Variants in DYRK1A observed in about 807,000 individuals in gnomAD.
The protein encoded by DYRK1A is dual specificity tyrosine phosphorylation regulated kinase 1A.
In DYRK1A, 9 loss-of-function variants were observed where a neutral mutation model predicts 79.7. The observed-to-expected ratio is 0.11, with a 90% CI of 0.07 to 0.20. The LOEUF (loss-of-function observed/expected upper bound fraction) is 0.20, where lower values mean the gene tolerates loss of function less well. Ranked by LOEUF, DYRK1A falls within the 10% of genes least tolerant of loss-of-function variation. DYRK1A has a pLI of 1.00. For missense variants in DYRK1A, 622 were observed against 956.0 expected (o/e 0.65, Z 4.61); for synonymous variants, 349 against 329.7 (o/e 1.06, Z -0.63).
chr21:37,387,596 C>G (rs1384579558), intron 1 of DYRK1A, among the ~76,000 whole-genome samples: 1 of 152,202 alleles, frequency 6.6e-6, no homozygotes, highest in Non-Finnish European at 1.5e-5. Flanking sequence ...TTCTTGCTCT[C>G]TGGACCTAAT....
rs1569412547 is a variant in DYRK1A at position 37,516,288 on chromosome 21, G to A, written c.*3757G>A. On this transcript the variant is annotated 3_prime_UTR_variant, in exon 12 of 12. Transcript: ENST00000647188. ...TGTAATGGGGACAAAAGCCGTGCGT[G>A]ACTTCGGTATACCCAGACTTCATTC... is the stretch of plus-strand genomic sequence containing the variant. 2 of 152,210 alleles carry A rather than the reference G, an allele frequency of 1.3e-5. No homozygotes were observed. The highest frequency in any genetic ancestry group is 2.9e-5 in the Non-Finnish European group (2 of 68,046). 9.4% of individuals were successfully genotyped at this position (152,210 alleles called of 1,614,324 possible). A position where few individuals can be genotyped will look rare whatever the true frequency, so the allele number is the denominator to read the frequency against.
chr21:37,457,541 G>A (rs2051694021), intron 2 of DYRK1A, among the ~76,000 whole-genome samples: 1 of 152,180 alleles, frequency 6.6e-6, no homozygotes, highest in African/African-American at 2.4e-5. Flanking sequence ...CTGGCCTTTT[G>A]TGTTTAACTT....
chr21:37,408,344 A>G (rs1458731311), intron 1 of DYRK1A, among the ~76,000 whole-genome samples: 2 of 152,234 alleles, frequency 1.3e-5, no homozygotes, highest in African/African-American at 4.8e-5. Context: ...AACTGAAAAC[A>G]TATACAGAAG....
chr21:37,372,439 G>A (rs1444039328), intron 1 of DYRK1A, among the ~76,000 whole-genome samples: 1 of 144,446 alleles, frequency 6.9e-6, no homozygotes, highest in Non-Finnish European at 1.5e-5. Flanking sequence ...ACAGAGTGGA[G>A]CACTGTCTCA....
chr21:37,504,974 C>T (rs2053552295), intron 9 of DYRK1A: 2 of 255,394 alleles, frequency 7.8e-6, no homozygotes, highest in East Asian at 8.4e-5. Context: ...CTTGTTTTTA[C>T]AACCTTTGAA....
chr21:37,472,860 C>G lies in DYRK1A; in HGVS notation c.187C>G (p.Gln63Glu), dbSNP rs373178770. The G allele has an allele frequency of 6.3e-7, 1 of 1,585,250 alleles. No homozygotes were observed. The highest frequency in any genetic ancestry group is 1.3e-5 in the African/African-American group (1 of 74,318). The change falls in exon 3 of 12, where the codon CAG becomes GAG. Residue 63 changes from glutamine to glutamate, a missense_variant. By Grantham distance (29) the Gln-to-Glu change is conservative. Around this residue, in one of 5 missense-constraint regions of DYRK1A, gnomAD observed 91 missense variants for 113.8 expected, o/e 0.80. Transcript: ENST00000647188. ...TGCCTTATCATATTCTGACCAGATT[C>G]AGCAACCTCTAACTAACCAGGTAAG... ...VSALSYSDQI[Q>E]QPLTNQRRMP...
At position 37,514,880 on chromosome 21, in the gene DYRK1A, A is replaced by G. The variant is rs939276641; in HGVS notation, c.*2349A>G. On this transcript the variant is annotated 3_prime_UTR_variant, in exon 12 of 12. Coordinates refer to ENST00000647188, the MANE Select transcript of DYRK1A (RefSeq NM_001347721.2). ...GGTTGCCACATCTTAGCAAGCACCA[A>G]AAAACTAAAGCAGTTTTTAAACCGA... 2.6e-5 allele frequency: 4 copies of G among 152,668 alleles called. No homozygotes were observed. The highest frequency in any genetic ancestry group is 5.9e-5 in the Non-Finnish European group (4 of 68,040). The allele number at this position is 152,668 out of a possible 1,614,324, so 9.5% of individuals were successfully genotyped here.
chr21:37,510,836 G>A (rs2053729550), intron 11 of DYRK1A, among the ~76,000 whole-genome samples: 1 of 151,952 alleles, frequency 6.6e-6, no homozygotes, highest in South Asian at 2.1e-4. Flanking sequence ...ACATTCCATT[G>A]ACAGCTTAGA....
intron 1 of DYRK1A, among the ~76,000 whole-genome samples, chr21:37,399,261 T>C (rs767306048): frequency 1.6e-4 from 25 of 152,156 alleles, no homozygotes; most frequent in Admixed American, 6.5e-4. Context: ...TAAGTGGATT[T>C]TCCTTTTTTA....
rs975987243 is a variant in DYRK1A, at chr21:37,513,046, A to G, written c.*515A>G. The G allele has an allele frequency of 1.3e-5, 2 of 159,168 alleles. No homozygotes were observed. The highest frequency in any genetic ancestry group is 1.4e-5 in the Non-Finnish European group (1 of 71,846). 9.9% of individuals were successfully genotyped at this position (159,168 alleles called of 1,614,324 possible). On this transcript the variant is annotated 3_prime_UTR_variant, in exon 12 of 12. Transcript: ENST00000647188. ...CCTCTAAACACACTTGGGCACGGAA[A>G]TGCAGTACTGTAAGGAAGAGGGACC...
intron 5 of DYRK1A, among the ~76,000 whole-genome samples, chr21:37,484,329 C>CT (rs35615588): frequency 0.31 from 42,195 of 134,010 alleles, 6,785 homozygotes; most frequent in South Asian, 0.42. Context: ...CAATAGGTCC[C>CT]TTTTTTTTTT....
intron 1 of DYRK1A, among the ~76,000 whole-genome samples, chr21:37,409,900 G>T (rs1202053175): frequency 6.6e-6 from 1 of 152,024 alleles, no homozygotes; most frequent in Non-Finnish European, 1.5e-5. Context: ...TCATATCTGT[G>T]TTACCTTTTG....
At chr21:37,388,102 T>G (rs2049797319) in intron 1 of DYRK1A, among the ~76,000 whole-genome samples, 1 of 118,390 alleles carries the variant, frequency 8.4e-6, no homozygotes, top group Non-Finnish European at 1.9e-5. Flanking sequence ...TCCCTTTGAT[T>G]TTTTTTTTTT....
intron 2 of DYRK1A, among the ~76,000 whole-genome samples, chr21:37,457,037 CTTATTTATTTATTTATTTAT>C (rs57947572): frequency 0.014 from 856 of 59,236 alleles, 6 homozygotes; most frequent in East Asian, 0.037. Flanking sequence ...TACTTACTTA[CTTATTTATTTATTTATTTAT>C]TTATTTATTT....
intron 7 of DYRK1A, among the ~76,000 whole-genome samples, chr21:37,491,567 CTT>C (rs1031654727): frequency 2.6e-5 from 4 of 152,102 alleles, no homozygotes; most frequent in Non-Finnish European, 4.4e-5. Flanking sequence ...ATAGGACTGT[CTT>C]TTTGTTATTT....
intron 2 of DYRK1A, among the ~76,000 whole-genome samples, chr21:37,466,548 G>A (rs955967167): frequency 6.6e-6 from 1 of 152,010 alleles, no homozygotes; most frequent in Non-Finnish European, 1.5e-5. Context: ...AACAGAAGAA[G>A]GTAAAGGTAA....
chr21:37,417,523 CTTTTTCTTTTTTTTTTT>C (rs1405179768), intron 1 of DYRK1A, among the ~76,000 whole-genome samples: 3 of 47,160 alleles, frequency 6.4e-5, no homozygotes, highest in Non-Finnish European at 1.2e-4. Flanking sequence ...TTTTCTTTTT[CTTTTTCTTTTTTTTTTT>C]TTTTTTTTTT....
chr21:37,405,317 T>C (rs1322815719), intron 1 of DYRK1A, among the ~76,000 whole-genome samples: 1 of 152,196 alleles, frequency 6.6e-6, no homozygotes, highest in Non-Finnish European at 1.5e-5. Flanking sequence ...GTTTTTGTTC[T>C]TTTATCTATT....
At chr21:37,479,622 T>TTTTTTTTTG (rs1555979757) in intron 4 of DYRK1A, among the ~76,000 whole-genome samples, 4 of 105,728 alleles carry the variant, frequency 3.8e-5, no homozygotes, top group Non-Finnish European at 7.1e-5. Context: ...GTTTTTTGTT[T>TTTTTTTTTG]TTTTTTTTTT....
Sources: gnomAD v4.1 joint callset for allele counts (sites outside exome capture counted in the v4.1 genomes callset) on GRCh38, gnomAD v4.1.1 for gene constraint, gnomAD v4.1.1 regional missense constraint, MANE v1.5 for transcripts, NCBI Gene and HGNC (gene_info 2026-07-23, HGNC 2026-07-21) for gene names.